MED4: variants seen among roughly 807,000 people sequenced by gnomAD.
MED4 encodes the protein mediator complex subunit 4.
In MED4, 21 loss-of-function variants were observed where a neutral mutation model predicts 35.0. The observed-to-expected ratio is 0.60, with a 90% CI of 0.43 to 0.86. The LOEUF (loss-of-function observed/expected upper bound fraction) is 0.86, where lower values mean the gene tolerates loss of function less well. Ranked by LOEUF, MED4 falls within the 40% of genes least tolerant of loss-of-function variation. The probability of loss-of-function intolerance (pLI) is 0.00; values close to 1 mark genes in which losing one functional copy is unlikely to be tolerated. For synonymous variants in MED4, 138 were observed against 114.0 expected, an observed-to-expected ratio of 1.21 and a Z score of -1.34; for missense variants, 300 against 319.4, an observed-to-expected ratio of 0.94 and a Z score of 0.46.
At position 48,081,651 on chromosome 13, in the gene MED4, C is replaced by A; in HGVS notation, c.502G>T (p.Val168Phe). 1 of 1,607,436 alleles carries A rather than the reference C, an allele frequency of 6.2e-7. No individual in the cohort carries two copies. Among genetic ancestry groups the A allele is most frequent in the Non-Finnish European group, 8.5e-7 (1 of 1,176,616 alleles). The part of the protein sequence containing the change: ...SNAVCAPLTW[V>F]PGDPRRPYPT... ...ATAAGACGAGTATGTTTACCTGGAA[C>A]CCAGGTCAGTGGAGCACATACAGCA... Residue 168 changes from valine to phenylalanine, a missense_variant, in exon 5 of 7, where the codon GTT becomes TTT. Val to Phe is a conservative substitution (Grantham distance 50). Coordinates refer to ENST00000258648, the MANE Select transcript of MED4 (RefSeq NM_014166.4).
chr13:48,093,485 G>A (rs1456565526), intron 1 of MED4: 2 of 361,802 alleles, frequency 5.5e-6, no homozygotes, highest in Non-Finnish European at 1.2e-5. Flanking sequence ...ATGCAAGCCA[G>A]ACACAAATTA....
At position 48,086,393 on chromosome 13, in the gene MED4, A is replaced by G; in HGVS notation, c.252T>C (p.Leu84=). Residue 84 remains leucine (L), a synonymous_variant, in exon 3 of 7, where the codon CTT becomes CTC. Coordinates refer to ENST00000258648, the MANE Select transcript of MED4 (RefSeq NM_014166.4). ...GEFQELMKLA[L]NQGKIHHEMQ... The stretch of plus-strand genomic sequence containing the variant: ...TTTCATGATGAATTTTTCCCTGATT[A>G]AGTGCCAATTTCATTAGTTCTTGAA... 5 of 1,613,570 alleles carry G rather than the reference A, an allele frequency of 3.1e-6. No homozygotes were observed. The South Asian group carries it at 3.3e-5, about 11-fold the overall frequency.
In MED4 at chr13:48,086,784, T is replaced by C. The variant is rs182175255; in HGVS notation, c.193-332A>G. Among the ~76,000 whole-genome samples the C allele has an allele frequency of 2.4e-3, 365 of 152,334 alleles. 3 individuals carry two copies. Among genetic ancestry groups the C allele is most frequent in the African/African-American group, 8.2e-3 (339 of 41,568 alleles). ...TATCCTTATGGCTGGGCACAGTGAC[T>C]CATGCCTGTAATCCCAGAACTTTGG... On this transcript the variant is annotated intron_variant, in intron 2 of 6. Coordinates refer to ENST00000258648, the MANE Select transcript of MED4 (RefSeq NM_014166.4).
rs575555204 is a variant in MED4 at position 48,093,288 on chromosome 13, C to G, written c.125+1666G>C. On this transcript the variant is annotated intron_variant, in intron 1 of 6. Transcript: ENST00000258648. ...GTTAAAAAAAACGTTTAGCCTACAA[C>G]CTGTGTTTCAACTTTTTAAGACTAT... Among the ~76,000 whole-genome samples, 94 of 152,134 alleles carry G rather than the reference C, an allele frequency of 6.2e-4. 2 individuals carry two copies. The highest frequency in any genetic ancestry group is 2.2e-3 in the African/African-American group (92 of 41,484).
chr13:48,083,117 T>A (rs1950822362), intron 4 of MED4, among the ~76,000 whole-genome samples: 1 of 152,228 alleles, frequency 6.6e-6, no homozygotes, highest in Admixed American at 6.5e-5. Context: ...AAACTCACTG[T>A]TTTTACTGCA....
At position 48,086,407 on chromosome 13, in the gene MED4, T is replaced by C. The variant is rs769463622; in HGVS notation, c.238A>G (p.Met80Val). 6 of 1,613,650 alleles carry C rather than the reference T, an allele frequency of 3.7e-6. No individual in the cohort carries two copies. The highest frequency in any genetic ancestry group is 4.2e-6 in the Non-Finnish European group (5 of 1,179,882). ...TTTCCCTGATTAAGTGCCAATTTCA[T>C]TAGTTCTTGAAATTCCCCATCTCGG... ...IHRDGEFQELMKLALNQGKIH... is the reference protein window; with the variant it reads ...IHRDGEFQELVKLALNQGKIH... The change falls in exon 3 of 7, where the codon ATG becomes GTG. Residue 80 changes from methionine to valine, a missense_variant. Met to Val is a conservative substitution (Grantham distance 21, BLOSUM62 1). Transcript: ENST00000258648.
At chr13:48,091,368 T>G (rs1950888665) in intron 1 of MED4, among the ~76,000 whole-genome samples, 1 of 152,220 alleles carries the variant, frequency 6.6e-6, no homozygotes. Context: ...ATGGGACTTT[T>G]GAGAAATTAT....
intron 1 of MED4, among the ~76,000 whole-genome samples, chr13:48,093,895 T>C (rs1397281806): frequency 6.6e-6 from 1 of 152,242 alleles, no homozygotes; most frequent in Non-Finnish European, 1.5e-5. Flanking sequence ...AGATTTATTC[T>C]AAAGCTGTCA....
chr13:48,093,909 A>G (rs1315251871), intron 1 of MED4, among the ~76,000 whole-genome samples: 10 of 152,232 alleles, frequency 6.6e-5, no homozygotes, highest in Non-Finnish European at 1.5e-4. Flanking sequence ...GCTGTCAAAG[A>G]ATGTTGGCTA....
At chr13:48,079,714 C>T (rs987920581) in intron 6 of MED4, 130 bp downstream of exon 6, 39 of 1,109,724 alleles carry the variant, frequency 3.5e-5, no homozygotes, top group Non-Finnish European at 4.7e-5. Flanking sequence ...CATAACAAGA[C>T]TGTCTCAAAT....
intron 1 of MED4, 104 bp from the exon 2 acceptor site, chr13:48,090,522 A>G (rs1289798878): frequency 6.2e-6 from 5 of 805,758 alleles, no homozygotes; most frequent in Non-Finnish European, 9.6e-6. Flanking sequence ...CAGCTCACCA[A>G]GACTCGCTTG....
At chr13:48,090,597 C>T (rs186739346) in intron 1 of MED4, among the ~76,000 whole-genome samples, 179 bp from the exon 2 acceptor site, 1 of 152,264 alleles carries the variant, frequency 6.6e-6, no homozygotes, top group Admixed American at 6.5e-5. Context: ...ATAGCTATCA[C>T]CTAAATGCCA....
At chr13:48,084,419 G>T (rs1363357708) in intron 3 of MED4, among the ~76,000 whole-genome samples, 1 of 152,154 alleles carries the variant, frequency 6.6e-6, no homozygotes, top group African/African-American at 2.4e-5. Flanking sequence ...CTGTTAGGAA[G>T]ATGGAAGTAA....
intron 5 of MED4, among the ~76,000 whole-genome samples, chr13:48,081,026 G>C (rs1344968243): frequency 6.6e-6 from 1 of 152,238 alleles, no homozygotes; most frequent in African/African-American, 2.4e-5. Flanking sequence ...GTCACCCTTA[G>C]TGCTTTCAGC....
rs1950755270 is a variant in MED4, at chr13:48,075,907, C to A, written c.*1232G>T. 6.6e-6 allele frequency: 1 copy of A among 150,900 alleles called. No individual in the cohort carries two copies. Among genetic ancestry groups the A allele is most frequent in the Non-Finnish European group, 1.5e-5 (1 of 68,006 alleles). The allele number at this position is 150,900 out of a possible 1,614,324, so 9.3% of individuals were successfully genotyped here. ...GATGGTGAAAATATAAGATTAATCT[C>A]CTATTTTCCAATTTTTCTAGAGATC... On this transcript the variant is annotated 3_prime_UTR_variant, in exon 7 of 7. Transcript: ENST00000258648.
At chr13:48,090,686 T>C (rs1264076072) in intron 1 of MED4, among the ~76,000 whole-genome samples, 1 of 152,220 alleles carries the variant, frequency 6.6e-6, no homozygotes, top group Non-Finnish European at 1.5e-5. Context: ...TACAGAGGCT[T>C]GCAAAGGACA....
chr13:48,088,102 T>C (rs936094773), intron 2 of MED4, among the ~76,000 whole-genome samples: 2 of 152,194 alleles, frequency 1.3e-5, no homozygotes, highest in South Asian at 2.1e-4. Flanking sequence ...TCATGATATA[T>C]TGCACTTTAA....
chr13:48,081,780 C>G (rs780094493), intron 4 of MED4, 49 bp from the exon 5 acceptor site: 7 of 1,204,286 alleles, frequency 5.8e-6, no homozygotes, highest in Non-Finnish European at 8.2e-6. Context: ...AACAAACATA[C>G]AAGTTTAGAA....
intron 1 of MED4, among the ~76,000 whole-genome samples, chr13:48,092,301 G>A (rs1004991482): frequency 6.6e-6 from 1 of 151,892 alleles, no homozygotes; most frequent in African/African-American, 2.4e-5. Flanking sequence ...TAGTACAGAT[G>A]GGGTTTCTCC....
Sources: allele counts gnomAD v4.1 joint callset (sites outside exome capture counted in the v4.1 genomes callset), GRCh38; gene constraint gnomAD v4.1.1; transcripts MANE v1.5; gene names NCBI Gene and HGNC (gene_info 2026-07-23, HGNC 2026-07-21).